ZMYND19: variants seen among roughly 807,000 people sequenced by gnomAD.
The protein encoded by ZMYND19 is zinc finger MYND-type containing 19.
ZMYND19 carries 17 observed loss-of-function variants against 32.0 expected under a neutral mutation model. The observed-to-expected ratio is 0.53, with a 90% CI of 0.36 to 0.80. The LOEUF (loss-of-function observed/expected upper bound fraction) is 0.80, where lower values mean the gene tolerates loss of function less well. Among genes scored for constraint, ZMYND19 ranks in the 30% least tolerant of loss-of-function variants. ZMYND19 has a pLI of 0.00. For missense variants in ZMYND19, 250 were observed against 293.6 expected (o/e 0.85, Z 1.09); for synonymous variants, 124 against 113.6 (o/e 1.09, Z -0.58).
chr9:137,589,459 T>C (rs2133304503), intron 1 of ZMYND19: 1 of 985,428 alleles, frequency 1.0e-6, no homozygotes, highest in Non-Finnish European at 1.2e-6. Flanking sequence ...CCGCAGCCGC[T>C]GGTGACGGGA....
rs1383425212 is a variant in ZMYND19, at chr9:137,590,121, C to T, written c.51+92G>A. On this transcript the variant is annotated intron_variant, in intron 1 of 5. Transcript: ENST00000298585. This position sits in a 1 kb window ranked among gnomAD's most constrained non-coding sequence, Gnocchi z 4.2. ...GGGCCCATCCCGGGCTCCGCGCCCC[C>T]GCCCCGGCCGCCGCCCGCACAACCG... 1.4e-5 allele frequency: 14 copies of T among 979,930 alleles called. No individual in the cohort carries two copies. The South Asian group carries it at 2.3e-4, about 16-fold the overall frequency. 60.7% of individuals were successfully genotyped at this position (979,930 alleles called of 1,614,324 possible).
chr9:137,586,495 A>T (rs542133849), intron 4 of ZMYND19, among the ~76,000 whole-genome samples: 9 of 149,830 alleles, frequency 6.0e-5, no homozygotes, highest in African/African-American at 2.2e-4. Context: ...GAAGGAAGGA[A>T]TCCCGAGGTG....
Position 137,590,322 on chromosome 9 carries a change from C to G in ZMYND19, c.-59G>C. 1 of 1,002,450 alleles carries G rather than the reference C, an allele frequency of 1.0e-6. No individual in the cohort carries two copies. The highest frequency in any genetic ancestry group is 4.3e-5 in the South Asian group (1 of 23,520). The allele number at this position is 1,002,450 out of a possible 1,614,324, so 62.1% of individuals were successfully genotyped here. A position where few individuals can be genotyped will look rare whatever the true frequency, so the allele number is the denominator to read the frequency against. ...TCCCTCGGGAGGCGCCGAGCGGGGG[C>G]CGGGGCGAGGCCGCGGCGCGCCGGG... On this transcript the variant is annotated 5_prime_UTR_variant, in exon 1 of 6. Transcript: ENST00000298585. The surrounding 1 kb of genome is among the most constrained non-coding windows in gnomAD (Gnocchi z 4.2).
At chr9:137,586,942 A>C in intron 4 of ZMYND19, 25 bp downstream of exon 4, 2 of 1,610,754 alleles carry the variant, frequency 1.2e-6, no homozygotes, top group Non-Finnish European at 1.7e-6. Context: ...CTCTGCTGGC[A>C]TCGCCAGGCC....
intron 3 of ZMYND19, 23 bp from the exon 4 acceptor site, chr9:137,587,130 G>A (rs1842214904): frequency 6.3e-7 from 1 of 1,599,618 alleles, no homozygotes; most frequent in Non-Finnish European, 8.5e-7. Flanking sequence ...AGCAAACCCT[G>A]CATCTAACCC....
At position 137,587,724 on chromosome 9, in the gene ZMYND19, G is replaced by C. The variant is rs1401874223; in HGVS notation, c.211C>G (p.Leu71Val). 5.0e-6 allele frequency: 8 copies of C among 1,613,920 alleles called. No individual in the cohort carries two copies. The highest frequency in any genetic ancestry group is 5.9e-6 in the Non-Finnish European group (7 of 1,179,978). Residue 71 changes from leucine (L) to valine (V), a missense_variant, in exon 3 of 6, where the codon CTG (leucine) becomes GTG (valine). This residue lies in a region of ZMYND19 where 212 missense variants were observed against 218.8 expected (regional missense o/e 0.97). Transcript: ENST00000298585. ...CAGCTTGGAAACACCCACCACAGCA[G>C]CTCATGAAGGAGTCTCCCAGAGCCC... ...GRGSGRLLHE[L>V]LWERHRGGVA...
rs1044810234 is a variant in ZMYND19 at position 137,590,461 on chromosome 9, G to C, written c.-198C>G. 179 of 176,438 alleles carry C rather than the reference G, an allele frequency of 1.0e-3. 2 individuals carry two copies. Among genetic ancestry groups the C allele is most frequent in the Non-Finnish European group, 1.3e-3 (122 of 92,940 alleles). The allele number at this position is 176,438 out of a possible 1,614,324, so 10.9% of individuals were successfully genotyped here. A position where few individuals can be genotyped will look rare whatever the true frequency, so the allele number is the denominator to read the frequency against. ...GCCTCGCGCCCGCCGGACCTGCCACGCGCCGCCGCCGCCGCCGCCACCGCC... is the reference window on the plus strand; with the variant it reads ...GCCTCGCGCCCGCCGGACCTGCCACCCGCCGCCGCCGCCGCCGCCACCGCC... On this transcript the variant is annotated 5_prime_UTR_variant, in exon 1 of 6. Transcript: ENST00000298585. This position sits in a 1 kb window ranked among gnomAD's most constrained non-coding sequence, Gnocchi z 4.2.
chr9:137,589,689 T>C, intron 1 of ZMYND19: 4 of 985,474 alleles, frequency 4.1e-6, no homozygotes, highest in South Asian at 4.7e-5. Flanking sequence ...CAGCCTAACG[T>C]GGCCAACCCC....
rs150463374 is a variant in ZMYND19, at chr9:137,587,000, C to T, written c.326G>A (p.Arg109Gln). Reference protein sequence around the residue: ...DNLQLVPWGWRPKAEETSSKQ... With the variant: ...DNLQLVPWGWQPKAEETSSKQ... ...GCTGGAGGTCTCTTCAGCCTTGGGC[C>T]GCCAGCCCCACGGCACCAGTTGCAG... The change falls in exon 4 of 6, where the codon CGG becomes CAG. Residue 109 changes from arginine (R) to glutamine (Q), a missense_variant. By Grantham distance (43) the Arg-to-Gln change is conservative. Coordinates refer to ENST00000298585, the MANE Select transcript of ZMYND19 (RefSeq NM_138462.3). 1.2e-5 allele frequency: 20 copies of T among 1,612,528 alleles called. No homozygotes were observed. Among genetic ancestry groups the T allele is most frequent in the African/African-American group, 6.7e-5 (5 of 75,050 alleles).
rs534460310 is a variant in ZMYND19, at chr9:137,582,248, T to A, written c.*295A>T. ...TACAGCAAATGATTCTATTTGTAAT[T>A]TCTACCCTTCCCATTGCCTCCCCCC... is the stretch of plus-strand genomic sequence containing the variant. On this transcript the variant is annotated 3_prime_UTR_variant, in exon 6 of 6. Transcript: ENST00000298585. 9.8e-5 allele frequency: 30 copies of A among 306,810 alleles called. No homozygotes were observed. The highest frequency in any genetic ancestry group is 6.5e-4 in the African/African-American group (30 of 46,462). 19.0% of individuals were successfully genotyped at this position (306,810 alleles called of 1,614,324 possible). A position where few individuals can be genotyped will look rare whatever the true frequency, so the allele number is the denominator to read the frequency against.
Position 137,588,722 on chromosome 9 carries a change from G to GAAGTT in ZMYND19, c.52-9_52-5dup. 6.2e-7 allele frequency: 1 copy of GAAGTT among 1,614,148 alleles called. No homozygotes were observed. The highest frequency in any genetic ancestry group is 8.5e-7 in the Non-Finnish European group (1 of 1,179,986). On this transcript the variant is annotated splice_region_variant and splice_polypyrimidine_tract_variant and intron_variant, in intron 1 of 5. Transcript: ENST00000298585. ...CATCGATCAGCGTGTATTTGGTCTG[G>GAAGTT]AAGTTAACCACATGTTTCAAATCAT...
intron 4 of ZMYND19, among the ~76,000 whole-genome samples, chr9:137,584,738 A>G (rs941462279): frequency 6.6e-6 from 1 of 152,140 alleles, no homozygotes; most frequent in Non-Finnish European, 1.5e-5. Flanking sequence ...ATTCTAAGCA[A>G]GCTAACTACA....
chr9:137,583,022 A>T lies in ZMYND19; in HGVS notation c.501T>A (p.Tyr167Ter). ...VEEEENSCTY[Y>*]ECHYPPCTVI... is the part of the protein sequence containing the mutation. ...CTGTGCAGGGAGGGTAGTGGCACTCATAGTAGGTGCAAGAGTTCTCCTCCT... is the reference window on the plus strand; with the variant it reads ...CTGTGCAGGGAGGGTAGTGGCACTCTTAGTAGGTGCAAGAGTTCTCCTCCT... The change falls in exon 5 of 6, where the codon TAT becomes TAA. Residue 167 changes from tyrosine (Y) to a stop codon, truncating the protein, a stop_gained. Coordinates refer to ENST00000298585, the MANE Select transcript of ZMYND19 (RefSeq NM_138462.3). LOFTEE classifies it high-confidence loss of function. 1 of 1,614,222 alleles carries T rather than the reference A, an allele frequency of 6.2e-7. No homozygotes were observed. The highest frequency in any genetic ancestry group is 8.5e-7 in the Non-Finnish European group (1 of 1,180,020).
intron 1 of ZMYND19, 65 bp from the exon 2 acceptor site, chr9:137,588,783 T>C (rs1842236369): frequency 1.1e-5 from 17 of 1,587,366 alleles, no homozygotes; most frequent in Non-Finnish European, 1.5e-5. Context: ...AGTAACCTTA[T>C]AACCAGAACA....
chr9:137,587,985 C>G (rs559146331), intron 2 of ZMYND19, among the ~76,000 whole-genome samples, 162 bp from the exon 3 acceptor site: 4 of 152,266 alleles, frequency 2.6e-5, no homozygotes, highest in Non-Finnish European at 4.4e-5. Context: ...AGGCACATGG[C>G]TCCCAGGGGC....
intron 4 of ZMYND19, among the ~76,000 whole-genome samples, chr9:137,585,021 C>T (rs902851451): frequency 6.6e-6 from 1 of 152,192 alleles, no homozygotes; most frequent in African/African-American, 2.4e-5. Context: ...ATTCAACAAT[C>T]GTAAGAGGCC....
chr9:137,586,531 GAGAAGGAAGGAAT>G (rs1258413262), intron 4 of ZMYND19, among the ~76,000 whole-genome samples: 1 of 150,504 alleles, frequency 6.6e-6, no homozygotes, highest in Non-Finnish European at 1.5e-5. Flanking sequence ...CCTGAGGTGA[GAGAAGGAAGGAAT>G]CCTGAGGTGA....
intron 2 of ZMYND19, among the ~76,000 whole-genome samples, 188 bp from the exon 3 acceptor site, chr9:137,588,011 C>T (rs1842225404): frequency 6.6e-6 from 1 of 152,230 alleles, no homozygotes; most frequent in South Asian, 2.1e-4. Context: ...TGGCCCACCA[C>T]CACTCTGTCT....
At chr9:137,584,427 A>G (rs79369669) in intron 4 of ZMYND19, among the ~76,000 whole-genome samples, 4,274 of 152,346 alleles carry the variant, frequency 0.028, 154 homozygotes, top group South Asian at 0.11. Context: ...AACGGCAGTT[A>G]TCTCCTCTCC....
Sources: allele counts gnomAD v4.1 joint callset (sites outside exome capture counted in the v4.1 genomes callset), GRCh38; gene constraint gnomAD v4.1.1; regional missense constraint gnomAD v4.1.1; non-coding constraint Gnocchi (gnomAD v3.1); transcripts MANE v1.5; gene names NCBI Gene and HGNC (gene_info 2026-07-23, HGNC 2026-07-21).